TSPAN11: variants seen among roughly 807,000 people sequenced by gnomAD.
TSPAN11 encodes tetraspanin 11.
TSPAN11 carries 29 observed loss-of-function variants against 32.9 expected under a neutral mutation model. The ratio of observed to expected loss-of-function variants is 0.88; its 90% CI spans 0.66 to 1.20. The LOEUF (loss-of-function observed/expected upper bound fraction) is 1.20, where lower values mean the gene tolerates loss of function less well. Ranked by LOEUF, TSPAN11 falls within the 50% of genes most tolerant of loss-of-function variation. TSPAN11 has a pLI of 0.00. For missense variants in TSPAN11, 283 were observed against 329.1 expected, an observed-to-expected ratio of 0.86 and a Z score of 1.08; for synonymous variants, 140 against 141.3, an observed-to-expected ratio of 0.99 and a Z score of 0.07.
intron 1 of TSPAN11, among the ~76,000 whole-genome samples, chr12:30,947,332 A>G (rs1199711603): frequency 2.0e-5 from 3 of 152,196 alleles, no homozygotes; most frequent in Non-Finnish European, 4.4e-5. Context: ...GAGGCAGCAG[A>G]GCTAAGTGGG....
intron 1 of TSPAN11, among the ~76,000 whole-genome samples, chr12:30,947,877 T>G (rs1402607188): frequency 6.6e-6 from 1 of 152,062 alleles, no homozygotes; most frequent in Non-Finnish European, 1.5e-5. Flanking sequence ...GAGTCCAAAG[T>G]CTCATCTGAG....
chr12:30,991,504 A>T (rs973335544), intron 7 of TSPAN11, among the ~76,000 whole-genome samples: 2 of 152,248 alleles, frequency 1.3e-5, no homozygotes, highest in Non-Finnish European at 2.9e-5. Context: ...GACCAGCAGC[A>T]TCAACTGGGA....
At chr12:30,941,771 C>T (rs940659061) in intron 1 of TSPAN11, among the ~76,000 whole-genome samples, 19 of 152,234 alleles carry the variant, frequency 1.2e-4, no homozygotes, top group African/African-American at 4.6e-4. Flanking sequence ...CCATGGGGCA[C>T]CCCAGCTGCA....
At chr12:30,933,529 G>T (rs1176137487) in intron 1 of TSPAN11, among the ~76,000 whole-genome samples, 1 of 152,174 alleles carries the variant, frequency 6.6e-6, no homozygotes, top group Non-Finnish European at 1.5e-5. Context: ...GGGGAGGAAA[G>T]CCACCCCCTA....
chr12:30,960,820 C>G (rs192575482), intron 2 of TSPAN11, among the ~76,000 whole-genome samples: 5 of 151,894 alleles, frequency 3.3e-5, no homozygotes, highest in Admixed American at 6.5e-5. Flanking sequence ...AGGTGGATCA[C>G]CTGAGGTCAA....
At chr12:31,003,524 T>G in the TSPAN11 span, among the ~76,000 whole-genome samples, 1 of 152,144 alleles carries the variant, frequency 6.6e-6, no homozygotes, top group Non-Finnish European at 1.5e-5. Flanking sequence ...GAAACAAGAC[T>G]TTCAGGGAGG....
chr12:30,984,700 A>G (rs1442641465), intron 7 of TSPAN11, among the ~76,000 whole-genome samples: 1 of 151,714 alleles, frequency 6.6e-6, no homozygotes, highest in Non-Finnish European at 1.5e-5. Context: ...CTGGGATTAC[A>G]GGTGCCCACC....
the TSPAN11 span, among the ~76,000 whole-genome samples, chr12:31,002,518 C>T: frequency 6.6e-6 from 1 of 152,202 alleles, no homozygotes; most frequent in African/African-American, 2.4e-5. The surrounding 1 kb of genome is among the most constrained non-coding windows in gnomAD (Gnocchi z 4.8). Flanking sequence ...GAGACTTCTA[C>T]TGCAGTAGGG....
chr12:30,934,969 AAC>A (rs1305055252), intron 1 of TSPAN11, among the ~76,000 whole-genome samples: 3 of 152,052 alleles, frequency 2.0e-5, no homozygotes, highest in Non-Finnish European at 2.9e-5. Flanking sequence ...TGCCTTTATA[AAC>A]ACAACACAGC....
chr12:30,929,281 C>T (rs187383045), intron 1 of TSPAN11, among the ~76,000 whole-genome samples: 24 of 152,284 alleles, frequency 1.6e-4, no homozygotes, highest in African/African-American at 3.4e-4. Context: ...TGACCCTCAA[C>T]GAGGATTATA....
chr12:30,926,931 G>A (rs1453593609), intron 1 of TSPAN11, 135 bp downstream of exon 1: 2 of 1,282,566 alleles, frequency 1.6e-6, no homozygotes, highest in Non-Finnish European at 2.0e-6. Flanking sequence ...CCCCGGGCGG[G>A]CAGAGGGAAG....
rs765805367 is a variant in TSPAN11, at chr12:30,964,000, A to C, written c.259A>C (p.Lys87Gln). 1 of 1,613,676 alleles carries C rather than the reference A, an allele frequency of 6.2e-7. No homozygotes were observed. Among genetic ancestry groups the C allele is most frequent in the East Asian group, 2.2e-5 (1 of 44,872 alleles). The change falls in exon 3 of 8, where the codon AAG (lysine) becomes CAG (glutamine). Residue 87 changes from lysine to glutamine, a missense_variant. Physicochemically the swap from Lys to Gln is moderately conservative, Grantham distance 53. Transcript: ENST00000546076. Reference sequence around the variant, plus strand: ...CTTCGGTGCCATCCTCTGGGAGCGGAAGGGCTGCCTCTCCACGGTCAGTGC... The same window carrying C: ...CTTCGGTGCCATCCTCTGGGAGCGGCAGGGCTGCCTCTCCACGGTCAGTGC... The part of the protein sequence containing the change: ...LGFGAILWER[K>Q]GCLSTYFCLL...
chr12:30,935,661 C>T (rs148949888), intron 1 of TSPAN11, among the ~76,000 whole-genome samples: 125 of 152,130 alleles, frequency 8.2e-4, no homozygotes, highest in African/African-American at 2.6e-3. Context: ...TATTATATAG[C>T]GTTGTTCTTT....
intron 2 of TSPAN11, among the ~76,000 whole-genome samples, chr12:30,961,508 C>T (rs1280094031): frequency 6.6e-6 from 1 of 151,964 alleles, no homozygotes; most frequent in East Asian, 1.9e-4. Context: ...ACCCATCCAA[C>T]AGTGAGCAGT....
rs190783804 is a variant in TSPAN11, at chr12:30,957,729, C to T, written c.84+3654C>T. On this transcript the variant is annotated intron_variant, in intron 2 of 7. Transcript: ENST00000546076. The stretch of plus-strand genomic sequence containing the variant: ...CCTCCTTCCTTCCTTCCTTCCTTCC[C>T]TCCTTCCCTCCCTCCCTCCCTCCTT... 8.0e-4 allele frequency among the ~76,000 whole-genome samples: 42 copies of T among 52,522 alleles called. 2 individuals are homozygous for T. The highest frequency in any genetic ancestry group is 4.5e-3 in the South Asian group (4 of 896). The allele number at this position is 52,522 out of a possible 152,430, so 34.5% of individuals were successfully genotyped here.
intron 1 of TSPAN11, among the ~76,000 whole-genome samples, chr12:30,939,179 T>C (rs1938106466): frequency 6.6e-6 from 1 of 150,570 alleles, no homozygotes. Flanking sequence ...AGGTGAAGGT[T>C]CTATTGAGCC....
chr12:30,942,792 G>C (rs990950911), intron 1 of TSPAN11, among the ~76,000 whole-genome samples: 1 of 151,810 alleles, frequency 6.6e-6, no homozygotes, highest in African/African-American at 2.4e-5. Flanking sequence ...TCAGGGCATA[G>C]AGACAAAGAA....
chr12:30,965,745 T>C (rs1377854609), intron 3 of TSPAN11, among the ~76,000 whole-genome samples: 4 of 152,174 alleles, frequency 2.6e-5, no homozygotes, highest in Non-Finnish European at 4.4e-5. Context: ...TCTTACTCTG[T>C]GTATGGACGG....
chr12:30,942,872 C>A (rs1274109064), intron 1 of TSPAN11, among the ~76,000 whole-genome samples: 1 of 152,154 alleles, frequency 6.6e-6, no homozygotes, highest in Non-Finnish European at 1.5e-5. Flanking sequence ...AGCAATCTGA[C>A]CCTAAGTTTG....
Sources: gnomAD v4.1 joint callset for allele counts (sites outside exome capture counted in the v4.1 genomes callset) on GRCh38, gnomAD v4.1.1 for gene constraint, Gnocchi (gnomAD v3.1) non-coding constraint, MANE v1.5 for transcripts, NCBI Gene and HGNC (gene_info 2026-07-23, HGNC 2026-07-21) for gene names.